Variants in ATP2B2 observed in about 807,000 individuals in gnomAD.
ATP2B2 encodes the protein ATPase plasma membrane Ca2+ transporting 2.
Under a neutral mutation model 120.0 loss-of-function variants are expected in ATP2B2, and 15 were observed. The observed-to-expected ratio is 0.12, with a 90% CI of 0.08 to 0.19. The LOEUF is 0.19. Ranked by LOEUF, ATP2B2 falls within the 10% of genes least tolerant of loss-of-function variation. The pLI is 1.00. For synonymous variants in ATP2B2, 694 were observed against 700.3 expected (o/e 0.99, Z 0.14); for missense variants, 1,045 against 1,719.8 (o/e 0.61, Z 6.94).
At chr3:10,554,066 A>C (rs1328638973) in intron 2 of ATP2B2, among the ~76,000 whole-genome samples, 3 of 152,030 alleles carry the variant, frequency 2.0e-5, no homozygotes, top group Admixed American at 2.0e-4. Context: ...GGAAGGCATG[A>C]GGGCCCGGTG....
At chr3:10,407,102 C>A (rs1159351956) in intron 3 of ATP2B2, among the ~76,000 whole-genome samples, 1 of 152,166 alleles carries the variant, frequency 6.6e-6, no homozygotes, top group Non-Finnish European at 1.5e-5. Context: ...AAGCCTGAGG[C>A]CTGACTTGGG....
intron 3 of ATP2B2, among the ~76,000 whole-genome samples, chr3:10,408,246 G>T (rs2062485298): frequency 6.6e-6 from 1 of 152,250 alleles, no homozygotes; most frequent in African/African-American, 2.4e-5. Flanking sequence ...TCTCTGGAAG[G>T]CTGTGTGCAG....
At chr3:10,353,001 C>T (rs560519739) in intron 14 of ATP2B2, among the ~76,000 whole-genome samples, 1 of 152,362 alleles carries the variant, frequency 6.6e-6, no homozygotes, top group Non-Finnish European at 1.5e-5. Context: ...AACAGATGGG[C>T]TGGTCAGCCT....
At chr3:10,495,539 G>T (rs535772771) in intron 1 of ATP2B2, among the ~76,000 whole-genome samples, 1 of 152,302 alleles carries the variant, frequency 6.6e-6, no homozygotes, top group East Asian at 1.9e-4. Context: ...GTTATGACAG[G>T]TTACCCGGGG....
intron 1 of ATP2B2, among the ~76,000 whole-genome samples, chr3:10,669,555 G>A (rs896894703): frequency 6.6e-6 from 1 of 152,174 alleles, no homozygotes; most frequent in Non-Finnish European, 1.5e-5. Flanking sequence ...TACAGGAGCT[G>A]GGCCCCTCCC....
chr3:10,706,166 A>G (rs1280532087), intron 1 of ATP2B2, among the ~76,000 whole-genome samples: 1 of 152,202 alleles, frequency 6.6e-6, no homozygotes, highest in Non-Finnish European at 1.5e-5. Context: ...GGCAAGAATC[A>G]AGGCTTAGGG....
At chr3:10,621,664 T>C (rs2069553119) in intron 1 of ATP2B2, among the ~76,000 whole-genome samples, 1 of 152,204 alleles carries the variant, frequency 6.6e-6, no homozygotes. Flanking sequence ...AATAGCAATC[T>C]TACTAATAAG....
chr3:10,704,652 G>A (rs758574878), intron 1 of ATP2B2, among the ~76,000 whole-genome samples: 1 of 152,154 alleles, frequency 6.6e-6, no homozygotes, highest in African/African-American at 2.4e-5. Context: ...GGCCCCAATA[G>A]TTAGCTCCCT....
chr3:10,532,295 T>C (rs1270122985), intron 3 of ATP2B2, among the ~76,000 whole-genome samples: 1 of 152,170 alleles, frequency 6.6e-6, no homozygotes, highest in Non-Finnish European at 1.5e-5. Context: ...TGACCGCACA[T>C]AGAGAGTGCT....
At chr3:10,361,064 C>T (rs2060883726) in intron 12 of ATP2B2, among the ~76,000 whole-genome samples, 1 of 152,186 alleles carries the variant, frequency 6.6e-6, no homozygotes, top group Non-Finnish European at 1.5e-5. Context: ...CCCCTGAGAT[C>T]CAAGCAAGCT....
In ATP2B2 at chr3:10,407,727, G is replaced by C. The variant is rs73814216; in HGVS notation, c.397+2891C>G. On this transcript the variant is annotated intron_variant, in intron 3 of 22. Coordinates refer to ENST00000360273, the MANE Select transcript of ATP2B2 (RefSeq NM_001001331.4). ...TTGCTGTAGAGGATACTAGAATTGT[G>C]GGGTGTTGAACGTGGCCACTTTTCC... Among the ~76,000 whole-genome samples the C allele has an allele frequency of 8.8e-3, 1,343 of 152,298 alleles. 20 individuals carry two copies. The highest frequency in any genetic ancestry group is 0.03 in the African/African-American group (1,245 of 41,558).
chr3:10,533,073 C>G (rs945473520), intron 3 of ATP2B2, among the ~76,000 whole-genome samples: 1 of 152,182 alleles, frequency 6.6e-6, no homozygotes, highest in African/African-American at 2.4e-5. Context: ...GCTCTGATCT[C>G]TTACATGTTG....
intron 1 of ATP2B2, among the ~76,000 whole-genome samples, chr3:10,650,573 G>T (rs1047748661): frequency 2.0e-5 from 3 of 152,234 alleles, no homozygotes; most frequent in African/African-American, 7.2e-5. Flanking sequence ...ACAAGGAACT[G>T]AATGTTAATC....
At chr3:10,405,606 G>C (rs1014708193) in intron 3 of ATP2B2, among the ~76,000 whole-genome samples, 2 of 152,144 alleles carry the variant, frequency 1.3e-5, no homozygotes, top group African/African-American at 4.8e-5. Context: ...ACTGGGGCAG[G>C]GACAGGATCT....
At chr3:10,533,342 G>C (rs550209162) in intron 3 of ATP2B2, among the ~76,000 whole-genome samples, 56 of 152,296 alleles carry the variant, frequency 3.7e-4, no homozygotes, top group Middle Eastern at 6.8e-3. Flanking sequence ...TATTCATTTG[G>C]TAAGTATTTA....
intron 2 of ATP2B2, among the ~76,000 whole-genome samples, chr3:10,599,861 T>A (rs1303344465): frequency 6.6e-6 from 1 of 151,484 alleles, no homozygotes; most frequent in African/African-American, 2.4e-5. Context: ...TCATTTTTGA[T>A]GGAGGAGGAA....
In ATP2B2 at chr3:10,426,098, C is replaced by T. The variant is rs1015848501; in HGVS notation, c.200-15283G>A. Among the ~76,000 whole-genome samples, 4 of 152,110 alleles carry T rather than the reference C, an allele frequency of 2.6e-5. No individual in the cohort carries two copies. The East Asian group carries it at 7.7e-4, about 29-fold the overall frequency. ...GTGCTTTCCTGCCTTAGGGCCTTTG[C>T]TGTGCTGTTCCCTCTGCTTGGAATG... is the stretch of plus-strand genomic sequence containing the variant. On this transcript the variant is annotated intron_variant, in intron 2 of 22. Coordinates refer to ENST00000360273, the MANE Select transcript of ATP2B2 (RefSeq NM_001001331.4).
rs578259096 is a variant in ATP2B2, at chr3:10,512,496, A to G, written c.-320+21543T>C. 6.1e-3 allele frequency among the ~76,000 whole-genome samples: 934 copies of G among 151,942 alleles called. 3 individuals are homozygous for G. The highest frequency in any genetic ancestry group is 0.01 in the Non-Finnish European group (703 of 67,908). On this transcript the variant is annotated intron_variant, in intron 3 of 21. Coordinates refer to the ATP2B2 transcript ENST00000646379. ...CACACACACACACACACACACACAC[A>G]CACACACACACACACACACACTGTC...
At chr3:10,666,503 T>A (rs1464185563) in intron 1 of ATP2B2, among the ~76,000 whole-genome samples, 1 of 152,186 alleles carries the variant, frequency 6.6e-6, no homozygotes, top group East Asian at 1.9e-4. Context: ...GCCCAACCAA[T>A]CCCTCTTCTT....
Sources: gnomAD v4.1 joint callset for allele counts (sites outside exome capture counted in the v4.1 genomes callset) on GRCh38, gnomAD v4.1.1 for gene constraint, MANE v1.5 for transcripts, NCBI Gene and HGNC (gene_info 2026-07-23, HGNC 2026-07-21) for gene names.